The following UGGT2 variants were observed in gnomAD, a reference collection of about 807,000 sequenced individuals.
UGGT2 encodes UDP-glucose glycoprotein glucosyltransferase 2.
UGGT2 carries 180 observed loss-of-function variants against 192.1 expected under a neutral mutation model. The ratio of observed to expected loss-of-function variants is 0.94; its 90% CI spans 0.83 to 1.06. The LOEUF (loss-of-function observed/expected upper bound fraction) is 1.06, where lower values mean the gene tolerates loss of function less well. UGGT2 is among the 50% of genes least tolerant of loss of function. The pLI is 0.00. For missense variants in UGGT2, 1,849 were observed against 1,795.7 expected (o/e 1.03, Z -0.54); for synonymous variants, 580 against 591.0 (o/e 0.98, Z 0.27).
At position 95,940,007 on chromosome 13, in the gene UGGT2, T is replaced by G; in HGVS notation, c.1762A>C (p.Asn588His). The change falls in exon 16 of 39, where the codon AAT becomes CAT. Residue 588 changes from asparagine (N) to histidine (H), a missense_variant. By Grantham distance (68) the Asn-to-His change is moderately conservative (BLOSUM62 1). Transcript: ENST00000376747. ...TGAATTCCCAAAATATCCCAAATAT[T>G]AGCATGAGGAAATGTATTTTGGAGA... ...SVLQNTFPHA[N>H]IWDILGIHSK... The G allele has an allele frequency of 2.2e-5, 35 of 1,601,600 alleles. No individual in the cohort carries two copies. The highest frequency in any genetic ancestry group is 3.0e-5 in the Non-Finnish European group (35 of 1,175,026).
chr13:95,924,659 C>T (rs889017682), intron 20 of UGGT2, among the ~76,000 whole-genome samples: 16 of 151,952 alleles, frequency 1.1e-4, no homozygotes, highest in South Asian at 4.2e-4. Flanking sequence ...ACTTTTGAGG[C>T]TAGATTATAA....
chr13:95,844,953 G>A (rs1448516511), intron 36 of UGGT2, among the ~76,000 whole-genome samples: 2 of 152,210 alleles, frequency 1.3e-5, no homozygotes, highest in Admixed American at 6.5e-5. Flanking sequence ...ATCAGGATGA[G>A]GAAGTTCCCT....
intron 20 of UGGT2, among the ~76,000 whole-genome samples, chr13:95,914,110 T>G (rs2048597756): frequency 1.3e-5 from 2 of 151,932 alleles, no homozygotes; most frequent in Non-Finnish European, 2.9e-5. Context: ...GATGGGGGCC[T>G]GAGGGAGGGA....
rs1180915597 is a variant in UGGT2, at chr13:95,877,342, T to C, written c.3410A>G (p.Asn1137Ser). 15 of 1,606,568 alleles carry C rather than the reference T, an allele frequency of 9.3e-6. No individual in the cohort carries two copies. The highest frequency in any genetic ancestry group is 1.3e-5 in the African/African-American group (1 of 74,568). ...AHHGYFQLKA[N>S]PGAWILRLHQ... ...TAACCTCAGTATCCAAGCACCTGGG[T>C]TTGCTTTTAATTGAAAATACCCCTT... The change falls in exon 29 of 39, where the codon AAC (asparagine) becomes AGC (serine). Residue 1137 changes from asparagine to serine, a missense_variant. Physicochemically the swap from Asn to Ser is conservative, Grantham distance 46 (BLOSUM62 1). Coordinates refer to ENST00000376747, the MANE Select transcript of UGGT2 (RefSeq NM_020121.4).
At chr13:95,950,868 T>C (rs746420097) in intron 12 of UGGT2, among the ~76,000 whole-genome samples, 4 of 152,126 alleles carry the variant, frequency 2.6e-5, no homozygotes, top group Admixed American at 6.6e-5. Flanking sequence ...TCAACTGTTA[T>C]AGTAACTAAA....
intron 20 of UGGT2, among the ~76,000 whole-genome samples, chr13:95,913,693 T>C (rs61422359): frequency 0.067 from 10,140 of 152,254 alleles, 591 homozygotes; most frequent in African/African-American, 0.15. Context: ...TCCTCAAGGA[T>C]CTAAACTAGA....
At chr13:95,847,052 TTTTCTTTTC>T (rs1233689228) in intron 36 of UGGT2, among the ~76,000 whole-genome samples, 18 of 71,854 alleles carry the variant, frequency 2.5e-4, no homozygotes, top group South Asian at 1.5e-3. Flanking sequence ...CTTTCTTTTC[TTTTCTTTTC>T]TTTTTTTTTT....
chr13:95,926,875 C>T (rs1355844592), intron 19 of UGGT2, among the ~76,000 whole-genome samples, 153 bp downstream of exon 19: 2 of 152,150 alleles, frequency 1.3e-5, no homozygotes, highest in East Asian at 3.9e-4. Flanking sequence ...TCTCAGCACA[C>T]GTTAAATACT....
chr13:95,923,788 G>A (rs2048926103), intron 20 of UGGT2, among the ~76,000 whole-genome samples: 1 of 152,130 alleles, frequency 6.6e-6, no homozygotes. Flanking sequence ...AAAACTGTAA[G>A]TGATAATTTC....
chr13:95,989,225 T>C (rs1034290645), intron 8 of UGGT2, among the ~76,000 whole-genome samples: 1 of 152,124 alleles, frequency 6.6e-6, no homozygotes, highest in African/African-American at 2.4e-5. Context: ...ATGAATAGTA[T>C]TATTATAGTA....
rs781557252 is a variant in UGGT2, at chr13:95,856,287, T to C, written c.3879A>G (p.Gln1293=). Reference sequence around the variant, plus strand: ...GACGAAGCCAACGGGGCCACCTATATTGAACTAGTTCATATCGGAATCCAT... The same window carrying C: ...GACGAAGCCAACGGGGCCACCTATACTGAACTAGTTCATATCGGAATCCAT... ...KEYGFRYELV[Q]YRWPRWLRQQ... The change falls in exon 34 of 39, where the codon CAA becomes CAG. Residue 1293 remains glutamine (Q), a synonymous_variant. Coordinates refer to ENST00000376747, the MANE Select transcript of UGGT2 (RefSeq NM_020121.4). The C allele has an allele frequency of 6.8e-6, 11 of 1,613,430 alleles. No homozygotes were observed. Among genetic ancestry groups the C allele is most frequent in the Non-Finnish European group, 7.6e-6 (9 of 1,179,802 alleles).
rs777636748 is a variant in UGGT2 at position 95,895,304 on chromosome 13, A to T, written c.2635T>A (p.Phe879Ile). 4.2e-6 allele frequency: 6 copies of T among 1,422,240 alleles called. No homozygotes were observed. In the African/African-American group the frequency reaches 8.8e-5, roughly 21 times the overall value. 88.1% of individuals were successfully genotyped at this position (1,422,240 alleles called of 1,614,324 possible). ...GEMGIVSNGRFLGPLDEDFYA... is the reference protein window; with the variant it reads ...GEMGIVSNGRILGPLDEDFYA... ...AAATCTTCATCTAAAGGTCCTAAGAACTTAAAATAAAAACAGTTATATTAT... is the reference window on the plus strand; with the variant it reads ...AAATCTTCATCTAAAGGTCCTAAGATCTTAAAATAAAAACAGTTATATTAT... Residue 879 changes from phenylalanine to isoleucine, a missense_variant and splice_region_variant, in exon 23 of 39, where the codon TTC becomes ATC. Phe to Ile is a conservative substitution (Grantham distance 21). Transcript: ENST00000376747.
intron 3 of UGGT2, 108 bp downstream of exon 3, chr13:96,023,521 A>T (rs2052575551): frequency 2.5e-6 from 3 of 1,188,476 alleles, no homozygotes; most frequent in Admixed American, 5.6e-5. Context: ...TATGGAACCA[A>T]CTATAAACTT....
chr13:95,911,218 C>G (rs191165422), intron 20 of UGGT2, among the ~76,000 whole-genome samples: 216 of 151,814 alleles, frequency 1.4e-3, no homozygotes, highest in African/African-American at 4.8e-3. Context: ...GCTAGCAGAA[C>G]GCAAGAAATA....
chr13:96,006,910 T>G (rs1230696824), intron 5 of UGGT2, among the ~76,000 whole-genome samples: 1 of 152,098 alleles, frequency 6.6e-6, no homozygotes, highest in East Asian at 1.9e-4. Flanking sequence ...GCTCTGTAAC[T>G]TGAAGAGGAG....
chr13:95,827,809 C>A (rs1055071195), intron 38 of UGGT2, among the ~76,000 whole-genome samples: 14 of 152,082 alleles, frequency 9.2e-5, no homozygotes, highest in Non-Finnish European at 2.1e-4. Context: ...CCCCATTGTT[C>A]TTGTGGATGG....
chr13:95,808,153 G>C (rs1216636615), intron 38 of UGGT2, among the ~76,000 whole-genome samples: 1 of 152,104 alleles, frequency 6.6e-6, no homozygotes, highest in Non-Finnish European at 1.5e-5. Context: ...CATACTTCCT[G>C]ATCTCAGGGA....
At chr13:95,818,661 G>C (rs1278763725) in intron 38 of UGGT2, among the ~76,000 whole-genome samples, 2 of 152,174 alleles carry the variant, frequency 1.3e-5, no homozygotes, top group African/African-American at 2.4e-5. Flanking sequence ...AAGTGCCTGT[G>C]AGTGTGATGT....
At chr13:95,861,020 A>G (rs899175093) in intron 31 of UGGT2, 137 bp from the exon 32 acceptor site, 10 of 417,180 alleles carry the variant, frequency 2.4e-5, no homozygotes, top group African/African-American at 1.9e-4. Flanking sequence ...ATATTTACAA[A>G]CTAATATTAA....
Sources: gnomAD v4.1 joint callset for allele counts (sites outside exome capture counted in the v4.1 genomes callset) on GRCh38, gnomAD v4.1.1 for gene constraint, MANE v1.5 for transcripts, NCBI Gene and HGNC (gene_info 2026-07-23, HGNC 2026-07-21) for gene names.